The following WWOX variants were observed in gnomAD, a reference collection of about 807,000 sequenced individuals.
The protein encoded by WWOX is WW domain-containing oxidoreductase.
In WWOX, 69 loss-of-function variants were observed where a neutral mutation model predicts 46.2. That is an observed-to-expected ratio of 1.49 (90% CI 1.23 to 1.82). WWOX has a LOEUF of 1.82. WWOX is among the 40% of genes most tolerant of loss of function. The pLI, the probability that WWOX is intolerant of heterozygous loss-of-function variation, is 0.00. For synonymous variants in WWOX, 359 were observed against 202.6 expected (o/e 1.77, Z -6.56); for missense variants, 919 against 542.6 (o/e 1.69, Z -6.89).
chr16:78,948,668 C>T (rs1314825507), intron 8 of WWOX, among the ~76,000 whole-genome samples: 1 of 152,058 alleles, frequency 6.6e-6, no homozygotes, highest in Admixed American at 6.5e-5. Flanking sequence ...GCAGTTCCAG[C>T]CCCTATGTCA....
chr16:78,239,777 C>A lies in WWOX; in HGVS notation c.516+75488C>A, dbSNP rs570023359. 2.6e-5 allele frequency among the ~76,000 whole-genome samples: 4 copies of A among 152,118 alleles called. No homozygotes were observed. The South Asian group carries it at 8.3e-4, about 32-fold the overall frequency. On this transcript the variant is annotated intron_variant, in intron 5 of 8. Coordinates refer to ENST00000566780, the MANE Select transcript of WWOX (RefSeq NM_016373.4). ...CTCGAACTCCTGACCTCAGGTGATC[C>A]GCCAGTCTCAACCTCCCAAAATGCC...
chr16:79,135,805 T>C (rs1233610057), intron 8 of WWOX, among the ~76,000 whole-genome samples: 5 of 152,204 alleles, frequency 3.3e-5, no homozygotes, highest in African/African-American at 1.2e-4. Flanking sequence ...TACATTGTAA[T>C]TGTGAGTGAT....
intron 5 of WWOX, among the ~76,000 whole-genome samples, chr16:78,275,914 A>T (rs1391906983): frequency 6.6e-6 from 1 of 151,870 alleles, no homozygotes; most frequent in Non-Finnish European, 1.5e-5. Flanking sequence ...GTGCACTGGG[A>T]GGGGAGGCTG....
chr16:78,426,380 A>T (rs2083078222), intron 7 of WWOX, among the ~76,000 whole-genome samples: 2 of 152,134 alleles, frequency 1.3e-5, no homozygotes, highest in Non-Finnish European at 2.9e-5. Context: ...ATTATGTCGA[A>T]TTGTCAGCTG....
At chr16:78,557,689 A>ATGTTTTTTTTTTTTTTTTTTTTTTTTT (rs2044336414) in intron 8 of WWOX, among the ~76,000 whole-genome samples, 1 of 96,648 alleles carries the variant, frequency 1.0e-5, no homozygotes, top group African/African-American at 5.2e-5. Flanking sequence ...CTAGGGAAGG[A>ATGTTTTTTTTTTTTTTTTTTTTTTTTT]TTTTTTTTTT....
chr16:78,686,241 G>C (rs112550524), intron 8 of WWOX, among the ~76,000 whole-genome samples: 1,819 of 152,302 alleles, frequency 0.012, 15 homozygotes, highest in South Asian at 0.037. Flanking sequence ...GCCAGGCGCG[G>C]TGGCTCAGGC....
chr16:78,475,720 C>T (rs768370173), intron 8 of WWOX, among the ~76,000 whole-genome samples: 1 of 152,114 alleles, frequency 6.6e-6, no homozygotes. Context: ...CTCAGCCTCC[C>T]CAGTAGCTGG....
At chr16:78,659,091 C>CAA (rs201516554) in intron 8 of WWOX, among the ~76,000 whole-genome samples, 4 of 138,864 alleles carry the variant, frequency 2.9e-5, no homozygotes, top group Non-Finnish European at 6.2e-5. Context: ...GAATCCGTCT[C>CAA]AAAAAAAAAC....
At chr16:78,688,131 G>C (rs1025232788) in intron 8 of WWOX, among the ~76,000 whole-genome samples, 5 of 151,722 alleles carry the variant, frequency 3.3e-5, no homozygotes, top group African/African-American at 1.2e-4. Context: ...AAAGTTTTCT[G>C]CAATAGAAAT....
At chr16:79,121,662 G>A (rs982631690) in intron 8 of WWOX, among the ~76,000 whole-genome samples, 6 of 152,150 alleles carry the variant, frequency 3.9e-5, no homozygotes, top group African/African-American at 1.4e-4. Context: ...GTGTTTTGGG[G>A]CATGCGCCAA....
intron 8 of WWOX, among the ~76,000 whole-genome samples, chr16:78,561,668 G>A (rs773096144): frequency 1.3e-5 from 2 of 152,104 alleles, no homozygotes. Flanking sequence ...TAAAAGAAAG[G>A]GGGTAATTGA....
intron 8 of WWOX, among the ~76,000 whole-genome samples, chr16:78,948,720 C>T (rs1252648783): frequency 6.6e-6 from 1 of 152,074 alleles, no homozygotes; most frequent in Non-Finnish European, 1.5e-5. Context: ...GAACTTTGGC[C>T]CTCGACATCT....
intron 8 of WWOX, among the ~76,000 whole-genome samples, chr16:78,880,674 C>T (rs534300805): frequency 6.6e-6 from 1 of 152,300 alleles, no homozygotes; most frequent in Non-Finnish European, 1.5e-5. Context: ...GCCGAACTTG[C>T]TGATGTACTC....
At chr16:78,450,466 G>C (rs1309938127) in intron 8 of WWOX, among the ~76,000 whole-genome samples, 1 of 152,164 alleles carries the variant, frequency 6.6e-6, no homozygotes, top group African/African-American at 2.4e-5. Flanking sequence ...ATCTGAGCTA[G>C]AAAGTTCCTT....
intron 8 of WWOX, chr16:79,077,850 C>A (rs1375055676): frequency 2.6e-5 from 4 of 152,112 alleles, no homozygotes; most frequent in Admixed American, 1.3e-4. Context: ...GTGCAAGGAT[C>A]GTTCACTAGT....
chr16:78,111,311 C>T (rs1263567028), intron 3 of WWOX, among the ~76,000 whole-genome samples: 4 of 152,170 alleles, frequency 2.6e-5, no homozygotes, highest in South Asian at 2.1e-4. Flanking sequence ...TGGAGATGAT[C>T]ATGGACAATT....
intron 8 of WWOX, among the ~76,000 whole-genome samples, chr16:78,601,919 A>T (rs2045632127): frequency 6.6e-6 from 1 of 152,158 alleles, no homozygotes; most frequent in African/African-American, 2.4e-5. Flanking sequence ...CAATTGTTTT[A>T]TTAGCGAAAT....
intron 8 of WWOX, among the ~76,000 whole-genome samples, chr16:78,727,528 G>C (rs978775651): frequency 5.3e-5 from 8 of 152,208 alleles, no homozygotes; most frequent in African/African-American, 1.9e-4. Context: ...GCAGAGATGA[G>C]AAAGAAAGGA....
chr16:78,723,911 T>C (rs2048760460), intron 8 of WWOX, among the ~76,000 whole-genome samples: 1 of 152,144 alleles, frequency 6.6e-6, no homozygotes, highest in Non-Finnish European at 1.5e-5. Flanking sequence ...CAGTCTAGTT[T>C]GGATTATTTG....
Sources: allele counts gnomAD v4.1 joint callset (sites outside exome capture counted in the v4.1 genomes callset), GRCh38; gene constraint gnomAD v4.1.1; transcripts MANE v1.5; gene names NCBI Gene and HGNC (gene_info 2026-07-23, HGNC 2026-07-21).